The following PCDH15 variants were observed in gnomAD, a reference collection of about 807,000 sequenced individuals.
The protein encoded by PCDH15 is protocadherin-15.
Under a neutral mutation model 178.5 loss-of-function variants are expected in PCDH15, and 129 were observed. The ratio of observed to expected loss-of-function variants is 0.72; its 90% CI spans 0.63 to 0.84. The LOEUF is 0.84. PCDH15 is among the 40% of genes least tolerant of loss of function. The pLI, the probability that PCDH15 is intolerant of heterozygous loss-of-function variation, is 0.00. For synonymous variants in PCDH15, 800 were observed against 732.0 expected (o/e 1.09, Z -1.50); for missense variants, 2,230 against 2,099.9 (o/e 1.06, Z -1.21).
At chr10:55,177,866 C>T (rs7086823) in intron 1 of PCDH15, among the ~76,000 whole-genome samples, 93,918 of 151,832 alleles carry the variant, frequency 0.62, 29,645 homozygotes, top group Non-Finnish European at 0.67. Context: ...TTTTTACAGA[C>T]GGATTTTTTT....
intron 1 of PCDH15, among the ~76,000 whole-genome samples, chr10:55,204,568 G>C (rs1840343390): frequency 6.6e-6 from 1 of 151,956 alleles, no homozygotes; most frequent in Admixed American, 6.5e-5. Flanking sequence ...TTACCAAGGA[G>C]CATGATCTGC....
In PCDH15 at chr10:55,205,760, T is replaced by C. The variant is rs184482999; in HGVS notation, c.-155-39109A>G. 1.4e-3 allele frequency among the ~76,000 whole-genome samples: 213 copies of C among 152,072 alleles called. 1 individual carries two copies. The highest frequency in any genetic ancestry group is 2.5e-3 in the Non-Finnish European group (169 of 68,006). ...TGTATTTTGGTGTTTTTACCTTCCG[T>C]ATTAGCCGTTTTCACGCTGCTGATA... On this transcript the variant is annotated intron_variant, in intron 1 of 5. Transcript: ENST00000458638.
intron 2 of PCDH15, among the ~76,000 whole-genome samples, chr10:54,927,336 G>A (rs1310224711): frequency 6.6e-6 from 1 of 152,014 alleles, no homozygotes; most frequent in East Asian, 1.9e-4. Flanking sequence ...CCTTTGCTTA[G>A]GAGTATTTTG....
intron 2 of PCDH15, among the ~76,000 whole-genome samples, chr10:54,581,439 C>T (rs558636390): frequency 6.6e-6 from 1 of 151,988 alleles, no homozygotes; most frequent in African/African-American, 2.4e-5. Context: ...AGATGACACA[C>T]ACAATTATAA....
At chr10:54,645,656 A>T (rs1227502980) in intron 2 of PCDH15, among the ~76,000 whole-genome samples, 1 of 152,178 alleles carries the variant, frequency 6.6e-6, no homozygotes, top group Non-Finnish European at 1.5e-5. Flanking sequence ...AAGTATTATG[A>T]GTGTTCTAAG....
At chr10:55,500,147 G>A (rs2132138262) in intron 2 of PCDH15, among the ~76,000 whole-genome samples, 1 of 151,230 alleles carries the variant, frequency 6.6e-6, no homozygotes, top group South Asian at 2.1e-4. Flanking sequence ...TAATACATCA[G>A]ATAAGAACAG....
chr10:55,342,374 AAT>A (rs1844626460), intron 2 of PCDH15, among the ~76,000 whole-genome samples: 1 of 152,034 alleles, frequency 6.6e-6, no homozygotes, highest in South Asian at 2.1e-4. Flanking sequence ...TGTCTTTTCT[AAT>A]ATTCTAGAAA....
At chr10:54,732,227 T>C (rs1943510249) in intron 1 of PCDH15, among the ~76,000 whole-genome samples, 1 of 151,280 alleles carries the variant, frequency 6.6e-6, no homozygotes, top group Non-Finnish European at 1.5e-5. Context: ...AGGAGACTTC[T>C]AGCTAAATGA....
At chr10:54,666,186 TA>T (rs2094568975) in intron 1 of PCDH15, among the ~76,000 whole-genome samples, 1 of 151,992 alleles carries the variant, frequency 6.6e-6, no homozygotes, top group East Asian at 1.9e-4. Flanking sequence ...AAGCTTAATA[TA>T]AAAGACTCAG....
intron 1 of PCDH15, among the ~76,000 whole-genome samples, chr10:55,196,162 T>A (rs1203800213): frequency 6.6e-6 from 1 of 152,096 alleles, no homozygotes; most frequent in Non-Finnish European, 1.5e-5. Context: ...CTTAGTGTGA[T>A]AGCCAGTTTG....
chr10:55,225,052 G>T (rs1840988815), intron 1 of PCDH15, among the ~76,000 whole-genome samples: 1 of 151,226 alleles, frequency 6.6e-6, no homozygotes, highest in Non-Finnish European at 1.5e-5. Flanking sequence ...CTTGTTTCTT[G>T]TCTTATTGTT....
At chr10:54,710,806 T>G (rs1292234551) in intron 1 of PCDH15, among the ~76,000 whole-genome samples, 1 of 151,958 alleles carries the variant, frequency 6.6e-6, no homozygotes. Context: ...TGACTCAACT[T>G]TTTGGGAGGT....
intron 2 of PCDH15, among the ~76,000 whole-genome samples, chr10:55,521,327 T>C (rs1458458341): frequency 6.6e-6 from 1 of 152,004 alleles, no homozygotes; most frequent in Admixed American, 6.6e-5. Context: ...TTATGCCCCA[T>C]TAAACTCATC....
At chr10:55,034,807 T>C (rs1840695709) in intron 2 of PCDH15, among the ~76,000 whole-genome samples, 1 of 152,192 alleles carries the variant, frequency 6.6e-6, no homozygotes. Flanking sequence ...TGAAATCTTA[T>C]ATTGCAATTA....
At chr10:55,327,222 T>C (rs754387501) in intron 2 of PCDH15, among the ~76,000 whole-genome samples, 18 of 152,126 alleles carry the variant, frequency 1.2e-4, no homozygotes, top group Non-Finnish European at 2.6e-4. Flanking sequence ...CAGCCATCTA[T>C]GAACCAGGAT....
At chr10:55,455,950 C>A (rs1839541433) in intron 2 of PCDH15, among the ~76,000 whole-genome samples, 1 of 152,094 alleles carries the variant, frequency 6.6e-6, no homozygotes, top group Non-Finnish European at 1.5e-5. Context: ...TAATGAACTA[C>A]AACCTTACTT....
chr10:54,918,974 A>C (rs1017911866), intron 2 of PCDH15, among the ~76,000 whole-genome samples: 1 of 152,188 alleles, frequency 6.6e-6, no homozygotes, highest in African/African-American at 2.4e-5. Flanking sequence ...AACTTGCCAG[A>C]GTATCATATT....
At chr10:54,808,954 A>C (rs185246141) in intron 3 of PCDH15, among the ~76,000 whole-genome samples, 179 of 151,530 alleles carry the variant, frequency 1.2e-3, no homozygotes, top group African/African-American at 4.1e-3. Context: ...AAAAAAAAAA[A>C]AACCAACACA....
chr10:53,969,817 T>G (rs2089479773), intron 21 of PCDH15, among the ~76,000 whole-genome samples: 4 of 152,200 alleles, frequency 2.6e-5, no homozygotes, highest in African/African-American at 9.7e-5. Context: ...CTGAGATATT[T>G]TGTCACCACC....
Sources: gnomAD v4.1 joint callset for allele counts (sites outside exome capture counted in the v4.1 genomes callset) on GRCh38, gnomAD v4.1.1 for gene constraint, MANE v1.5 for transcripts, NCBI Gene and HGNC (gene_info 2026-07-23, HGNC 2026-07-21) for gene names.